The following NAALADL2 variants were observed in gnomAD, a reference collection of about 807,000 sequenced individuals.
The protein encoded by NAALADL2 is N-acetylated alpha-linked acidic dipeptidase like 2, also known as inactive N-acetylated-alpha-linked acidic dipeptidase-like protein 2.
A neutral mutation model predicts 87.2 loss-of-function variants in NAALADL2; 76 were observed. The observed-to-expected ratio is 0.87, with a 90% CI of 0.72 to 1.05. NAALADL2 has a LOEUF of 1.05. Ranked by LOEUF, NAALADL2 falls within the 50% of genes least tolerant of loss-of-function variation. NAALADL2 has a pLI of 0.00. For missense variants in NAALADL2, 1,089 were observed against 945.8 expected (o/e 1.15, Z -1.99); for synonymous variants, 354 against 331.0 (o/e 1.07, Z -0.75).
At chr3:175,206,682 C>G (rs1277290040) in intron 2 of NAALADL2, among the ~76,000 whole-genome samples, 2 of 151,980 alleles carry the variant, frequency 1.3e-5, no homozygotes, top group Non-Finnish European at 2.9e-5. Flanking sequence ...AACCAAATAC[C>G]ACCTGTACCC....
At chr3:175,457,902 T>C (rs577933720) in intron 6 of NAALADL2, among the ~76,000 whole-genome samples, 10 of 152,208 alleles carry the variant, frequency 6.6e-5, no homozygotes, top group Admixed American at 3.9e-4. Context: ...ATGATTTTTT[T>C]AATTTACACA....
intron 2 of NAALADL2, among the ~76,000 whole-genome samples, chr3:174,600,410 G>A (rs1380825430): frequency 1.3e-5 from 2 of 152,014 alleles, no homozygotes; most frequent in Non-Finnish European, 2.9e-5. Context: ...AGTGACATAT[G>A]TATTTCAATA....
chr3:175,707,941 C>G (rs1739960141), intron 11 of NAALADL2, among the ~76,000 whole-genome samples: 2 of 151,812 alleles, frequency 1.3e-5, no homozygotes. Context: ...CAGGAAAAAC[C>G]TCCTGGAAAA....
chr3:175,389,669 T>G (rs1299160568), intron 5 of NAALADL2, among the ~76,000 whole-genome samples: 2 of 152,162 alleles, frequency 1.3e-5, no homozygotes, highest in African/African-American at 4.8e-5. Context: ...ATTCTAGAAT[T>G]TATTAAGCCT....
chr3:175,182,820 G>T (rs1424501029), intron 2 of NAALADL2, among the ~76,000 whole-genome samples: 1 of 151,866 alleles, frequency 6.6e-6, no homozygotes, highest in East Asian at 1.9e-4. Flanking sequence ...CTAGACCAAT[G>T]TCATGTAGCT....
At chr3:175,360,370 C>A (rs967728798) in intron 5 of NAALADL2, among the ~76,000 whole-genome samples, 5 of 152,064 alleles carry the variant, frequency 3.3e-5, no homozygotes, top group Admixed American at 3.3e-4. Context: ...CCATTCCATT[C>A]TTTTAAGCTG....
At chr3:175,728,696 G>C (rs1743260666) in intron 11 of NAALADL2, among the ~76,000 whole-genome samples, 1 of 152,288 alleles carries the variant, frequency 6.6e-6, no homozygotes, top group African/African-American at 2.4e-5. Flanking sequence ...CTGTTGTAAA[G>C]ACTCTTGCCA....
intron 4 of NAALADL2, among the ~76,000 whole-genome samples, chr3:175,269,765 T>G (rs1752517858): frequency 6.6e-6 from 1 of 152,238 alleles, no homozygotes; most frequent in South Asian, 2.1e-4. Context: ...CCTAGGGCTC[T>G]TTATGATCCT....
chr3:174,761,037 C>A (rs1712872347), intron 3 of NAALADL2, among the ~76,000 whole-genome samples: 1 of 152,204 alleles, frequency 6.6e-6, no homozygotes, highest in African/African-American at 2.4e-5. Context: ...TTAACTTTCT[C>A]TTTGCAACCT....
At chr3:175,762,291 T>C (rs1181987343) in intron 13 of NAALADL2, among the ~76,000 whole-genome samples, 1 of 151,032 alleles carries the variant, frequency 6.6e-6, no homozygotes, top group Non-Finnish European at 1.5e-5. Context: ...TCATACGATA[T>C]AGTTTTAATA....
At chr3:174,815,154 T>G (rs549861672) in intron 3 of NAALADL2, among the ~76,000 whole-genome samples, 1 of 152,306 alleles carries the variant, frequency 6.6e-6, no homozygotes, top group African/African-American at 2.4e-5. Flanking sequence ...GTCATTTGTT[T>G]AGCAAGGATG....
chr3:175,738,254 C>CT lies in NAALADL2; in HGVS notation c.1990+864dup, dbSNP rs954569883. On this transcript the variant is annotated intron_variant, in intron 12 of 13. Transcript: ENST00000454872. ...TAGCTGAAAATTTAATTTTTTTTTTCTTTTTTTTTGAGATGGAATCTCACT... is the reference window on the plus strand; with the variant it reads ...TAGCTGAAAATTTAATTTTTTTTTTCTTTTTTTTTTGAGATGGAATCTCACT... 4.6e-4 allele frequency among the ~76,000 whole-genome samples: 68 copies of CT among 149,378 alleles called. No individual in the cohort carries two copies. The Middle Eastern group carries it at 0.01, about 23-fold the overall frequency.
intron 2 of NAALADL2, among the ~76,000 whole-genome samples, chr3:175,205,393 A>G (rs889340698): frequency 6.6e-6 from 1 of 152,226 alleles, no homozygotes; most frequent in African/African-American, 2.4e-5. Context: ...GGCAAGCCAC[A>G]TGTAGGAGAA....
At chr3:174,983,940 G>T (rs1434195583) in intron 1 of NAALADL2, among the ~76,000 whole-genome samples, 1 of 152,112 alleles carries the variant, frequency 6.6e-6, no homozygotes, top group Admixed American at 6.5e-5. Flanking sequence ...AAAACTTGAT[G>T]AATACATACT....
chr3:174,960,333 C>A (rs990156056), intron 1 of NAALADL2, among the ~76,000 whole-genome samples: 3 of 151,960 alleles, frequency 2.0e-5, no homozygotes, highest in Non-Finnish European at 4.4e-5. Context: ...CAACTCTGTC[C>A]TTTTTCTGGA....
intron 4 of NAALADL2, among the ~76,000 whole-genome samples, chr3:175,278,563 G>A (rs1034750101): frequency 3.3e-5 from 5 of 152,092 alleles, no homozygotes; most frequent in African/African-American, 4.8e-5. Flanking sequence ...ATGATTTGCA[G>A]CCCTTTATTT....
At chr3:175,669,164 A>G (rs560152338) in intron 11 of NAALADL2, among the ~76,000 whole-genome samples, 1 of 152,022 alleles carries the variant, frequency 6.6e-6, no homozygotes, top group East Asian at 1.9e-4. Flanking sequence ...CAAAAGGGAA[A>G]AGTGCAGCCC....
intron 10 of NAALADL2, among the ~76,000 whole-genome samples, chr3:175,578,504 T>G (rs1372614530): frequency 6.6e-6 from 1 of 152,206 alleles, no homozygotes; most frequent in Non-Finnish European, 1.5e-5. Context: ...TATTGAGTAC[T>G]TGCCATGCTA....
chr3:175,168,481 A>T (rs11926375), intron 2 of NAALADL2, among the ~76,000 whole-genome samples: 59,628 of 151,608 alleles, frequency 0.39, 12,308 homozygotes, highest in East Asian at 0.55. Context: ...TAATATAGCA[A>T]GCAGTATCTT....
Sources: gnomAD v4.1 joint callset for allele counts (sites outside exome capture counted in the v4.1 genomes callset) on GRCh38, gnomAD v4.1.1 for gene constraint, MANE v1.5 for transcripts, NCBI Gene and HGNC (gene_info 2026-07-23, HGNC 2026-07-21) for gene names.